EIF4G3: variants seen among roughly 807,000 people sequenced by gnomAD.
The protein encoded by EIF4G3 is eIF-4-gamma 3.
A neutral mutation model predicts 186.4 loss-of-function variants in EIF4G3; 34 were observed. The observed-to-expected ratio is 0.18, with a 90% CI of 0.14 to 0.24. The LOEUF (loss-of-function observed/expected upper bound fraction) is 0.24, where lower values mean the gene tolerates loss of function less well. EIF4G3 is among the 10% of genes least tolerant of loss of function. The probability of loss-of-function intolerance (pLI) is 1.00; values close to 1 mark genes in which losing one functional copy is unlikely to be tolerated. For synonymous variants in EIF4G3, 673 were observed against 679.5 expected (o/e 0.99, Z 0.15); for missense variants, 1,536 against 1,948.5 (o/e 0.79, Z 3.99).
At chr1:20,914,627 T>C (rs1037801225) in intron 14 of EIF4G3, among the ~76,000 whole-genome samples, 1 of 152,216 alleles carries the variant, frequency 6.6e-6, no homozygotes, top group African/African-American at 2.4e-5. Flanking sequence ...ATTATGTTTG[T>C]GGTGATTACA....
Position 20,971,875 on chromosome 1 carries a change from C to T in EIF4G3, c.591+1127G>A, listed in dbSNP as rs528715154. On this transcript the variant is annotated intron_variant, in intron 11 of 36. Coordinates refer to ENST00000602326, the MANE Select transcript of EIF4G3 (RefSeq NM_001391906.1). ...TCTCGAGCTCCTTACCTCAAGTGAT[C>T]TACCCATCTCGGCCTCCAAAGTGCT... Among the ~76,000 whole-genome samples, 119 of 152,328 alleles carry T rather than the reference C, an allele frequency of 7.8e-4. 1 individual carries two copies. The highest frequency in any genetic ancestry group is 2.5e-3 in the African/African-American group (105 of 41,576).
intron 2 of EIF4G3, among the ~76,000 whole-genome samples, chr1:21,106,256 T>C (rs1429798387): frequency 6.6e-6 from 1 of 151,954 alleles, no homozygotes; most frequent in East Asian, 1.9e-4. Context: ...TTAAAGACCA[T>C]TCATTTTTTA....
At chr1:20,955,628 A>G (rs2096391096) in intron 12 of EIF4G3, among the ~76,000 whole-genome samples, 1 of 152,238 alleles carries the variant, frequency 6.6e-6, no homozygotes, top group African/African-American at 2.4e-5. Context: ...AGGTTACTTC[A>G]GTAGTCCAAG....
intron 4 of EIF4G3, among the ~76,000 whole-genome samples, chr1:21,019,040 A>G (rs1162957303): frequency 1.3e-5 from 2 of 152,094 alleles, no homozygotes; most frequent in Non-Finnish European, 2.9e-5. Flanking sequence ...TTTTTTTAAG[A>G]GAACAGGTCT....
In EIF4G3 at chr1:21,096,183, T is replaced by C. The variant is rs559684807; in HGVS notation, c.-271-6970A>G. On this transcript the variant is annotated intron_variant, in intron 2 of 36. Coordinates refer to ENST00000602326, the MANE Select transcript of EIF4G3 (RefSeq NM_001391906.1). ...AGATGACTGCATAAAGAAGATGTAG[T>C]ATATATACACAATGGAATACTATTC... Among the ~76,000 whole-genome samples the C allele has an allele frequency of 5.3e-5, 8 of 152,272 alleles. No individual in the cohort carries two copies. In the South Asian group the frequency reaches 1.7e-3, roughly 32 times the overall value.
At chr1:20,836,322 C>T (rs2066751946) in intron 30 of EIF4G3, among the ~76,000 whole-genome samples, 1 of 152,164 alleles carries the variant, frequency 6.6e-6, no homozygotes, top group Non-Finnish European at 1.5e-5. Flanking sequence ...CAGTTCACTA[C>T]AGCTTGAACT....
intron 2 of EIF4G3, among the ~76,000 whole-genome samples, chr1:21,109,367 G>A (rs139326783): frequency 1.3e-5 from 2 of 152,298 alleles, no homozygotes; most frequent in African/African-American, 4.8e-5. Flanking sequence ...AAATGGGACT[G>A]GACATGGTGG....
intron 15 of EIF4G3, among the ~76,000 whole-genome samples, chr1:20,900,515 A>T (rs888971717): frequency 1.3e-5 from 2 of 150,328 alleles, no homozygotes; most frequent in South Asian, 2.1e-4. Context: ...TTGTATATAA[A>T]AAAAAAAAAA....
chr1:21,129,710 G>A (rs2097117972), intron 2 of EIF4G3, among the ~76,000 whole-genome samples: 1 of 151,952 alleles, frequency 6.6e-6, no homozygotes, highest in Admixed American at 6.6e-5. Context: ...CCAGGATGAA[G>A]AAGTAACAAC....
At chr1:20,864,987 TC>T in intron 21 of EIF4G3, 128 bp downstream of exon 21, 1 of 1,055,170 alleles carries the variant, frequency 9.5e-7, no homozygotes, top group Non-Finnish European at 1.4e-6. Flanking sequence ...ATATGTTGTT[TC>T]TACATGGAAA....
chr1:20,849,633 G>C, intron 28 of EIF4G3, 103 bp from the exon 29 acceptor site: 1 of 480,764 alleles, frequency 2.1e-6, no homozygotes, highest in Non-Finnish European at 3.7e-6. Flanking sequence ...TATTTTAATA[G>C]CTACAAGACA....
At position 21,017,456 on chromosome 1, in the gene EIF4G3, G is replaced by A. The variant is rs554330925; in HGVS notation, c.-66-14648C>T. Among the ~76,000 whole-genome samples, 11 of 151,794 alleles carry A rather than the reference G, an allele frequency of 7.2e-5. 1 individual carries two copies. In the East Asian group the frequency reaches 1.2e-3, roughly 16 times the overall value. On this transcript the variant is annotated intron_variant, in intron 4 of 36. Coordinates refer to ENST00000602326, the MANE Select transcript of EIF4G3 (RefSeq NM_001391906.1). ...ATCCTGGCCAACATGGCAAAACTCC[G>A]TCTCTACTAAAAATGCAAAAAATTA...
At chr1:21,044,794 T>C (rs145373131) in intron 4 of EIF4G3, among the ~76,000 whole-genome samples, 8 of 152,122 alleles carry the variant, frequency 5.3e-5, no homozygotes, top group Non-Finnish European at 8.8e-5. Flanking sequence ...ACTACAAGTG[T>C]GTGCCATCAC....
intron 20 of EIF4G3, among the ~76,000 whole-genome samples, chr1:20,868,282 A>G (rs1251910660): frequency 6.6e-6 from 1 of 151,862 alleles, no homozygotes; most frequent in Non-Finnish European, 1.5e-5. Flanking sequence ...GGCTTAAACA[A>G]TGGAAGTTTA....
intron 20 of EIF4G3, among the ~76,000 whole-genome samples, chr1:20,872,116 T>G (rs2079378778): frequency 6.6e-6 from 1 of 152,146 alleles, no homozygotes; most frequent in South Asian, 2.1e-4. Context: ...AAAATCTGTG[T>G]GTGTGTGTGT....
chr1:20,811,845 AT>A (rs1370550992), intron 35 of EIF4G3, among the ~76,000 whole-genome samples: 2 of 152,198 alleles, frequency 1.3e-5, no homozygotes, highest in East Asian at 3.8e-4. Context: ...TCAAGTGAGT[AT>A]TTAAAAAAAG....
At chr1:20,929,422 G>T (rs2095170126) in intron 14 of EIF4G3, 1 of 152,068 alleles carries the variant, frequency 6.6e-6, no homozygotes, top group African/African-American at 2.4e-5. Context: ...CCTATCCTAA[G>T]GGATTTTCCA....
At chr1:21,176,129 T>G in intron 2 of EIF4G3, 46 bp downstream of exon 2, 1 of 339,048 alleles carries the variant, frequency 2.9e-6, no homozygotes, top group East Asian at 4.7e-5. Context: ...CCCCCTGGAC[T>G]GCGACGACGA....
At chr1:21,079,349 G>T (rs1289028585) in intron 3 of EIF4G3, among the ~76,000 whole-genome samples, 1 of 151,954 alleles carries the variant, frequency 6.6e-6, no homozygotes, top group East Asian at 1.9e-4. Context: ...AAAGAATCAA[G>T]ATTTTATAAA....
Sources: allele counts gnomAD v4.1 joint callset (sites outside exome capture counted in the v4.1 genomes callset), GRCh38; gene constraint gnomAD v4.1.1; transcripts MANE v1.5; gene names NCBI Gene and HGNC (gene_info 2026-07-23, HGNC 2026-07-21).